Variants in CADPS2 observed in about 807,000 individuals in gnomAD.
CADPS2 encodes calcium dependent secretion activator 2.
A neutral mutation model predicts 172.5 loss-of-function variants in CADPS2; 93 were observed. The observed-to-expected ratio is 0.54, with a 90% CI of 0.46 to 0.64. CADPS2 has a LOEUF of 0.64. Among genes scored for constraint, CADPS2 ranks in the 30% least tolerant of loss-of-function variants. The probability of loss-of-function intolerance (pLI) is 0.00; values close to 1 mark genes in which losing one functional copy is unlikely to be tolerated. For missense variants in CADPS2, 1,420 were observed against 1,565.9 expected (o/e 0.91, Z 1.57); for synonymous variants, 546 against 555.2 (o/e 0.98, Z 0.23).
chr7:122,676,782 A>C (rs1018708445), intron 2 of CADPS2: 11 of 979,960 alleles, frequency 1.1e-5, no homozygotes, highest in Non-Finnish European at 1.7e-5. Context: ...CTGTGAACCA[A>C]ACCATCATTT....
chr7:122,327,426 G>T (rs1443865924), intron 28 of CADPS2, among the ~76,000 whole-genome samples: 1 of 151,962 alleles, frequency 6.6e-6, no homozygotes, highest in East Asian at 1.9e-4. Flanking sequence ...ATTTTGCAAG[G>T]GATAGTAAAT....
intron 2 of CADPS2, among the ~76,000 whole-genome samples, chr7:122,733,135 A>G (rs2091845100): frequency 6.6e-6 from 1 of 151,746 alleles, no homozygotes; most frequent in African/African-American, 2.4e-5. Context: ...GTTAGAAAGA[A>G]CATGAAAGGC....
chr7:122,720,622 A>G (rs1277028694), intron 2 of CADPS2, among the ~76,000 whole-genome samples: 1 of 151,654 alleles, frequency 6.6e-6, no homozygotes, highest in Non-Finnish European at 1.5e-5. Context: ...ACATACATAT[A>G]TGTACGTATG....
At chr7:122,530,825 C>T (rs2061691603) in intron 8 of CADPS2, among the ~76,000 whole-genome samples, 1 of 152,004 alleles carries the variant, frequency 6.6e-6, no homozygotes, top group Non-Finnish European at 1.5e-5. Context: ...AGCTTTTTAC[C>T]TCTTTTATAC....
At chr7:122,854,017 G>A (rs972204390) in intron 1 of CADPS2, among the ~76,000 whole-genome samples, 2 of 152,148 alleles carry the variant, frequency 1.3e-5, no homozygotes, top group Admixed American at 1.3e-4. Flanking sequence ...AACACCAACA[G>A]ACTCCAGGCC....
intron 1 of CADPS2, among the ~76,000 whole-genome samples, chr7:122,864,411 T>C (rs1817762564): frequency 6.6e-6 from 1 of 151,168 alleles, no homozygotes. Flanking sequence ...GCCCAGGAGG[T>C]CAAGGCTTCA....
chr7:122,850,787 T>C (rs1370112177), intron 1 of CADPS2, among the ~76,000 whole-genome samples: 3 of 152,190 alleles, frequency 2.0e-5, no homozygotes, highest in African/African-American at 7.2e-5. Context: ...TCATTACACC[T>C]TGATCAAAAT....
chr7:122,528,991 A>C (rs1476045510), intron 8 of CADPS2, among the ~76,000 whole-genome samples: 1 of 152,042 alleles, frequency 6.6e-6, no homozygotes, highest in Non-Finnish European at 1.5e-5. Flanking sequence ...AATAAGTGCC[A>C]CTTTTATTAT....
chr7:122,381,055 C>T (rs536513528), intron 24 of CADPS2, among the ~76,000 whole-genome samples: 4 of 152,216 alleles, frequency 2.6e-5, no homozygotes, highest in East Asian at 1.9e-4. Flanking sequence ...CAGGTCCACA[C>T]ATGAACATAT....
chr7:122,584,541 C>T (rs2069353161), intron 6 of CADPS2, among the ~76,000 whole-genome samples: 1 of 151,854 alleles, frequency 6.6e-6, no homozygotes, highest in Non-Finnish European at 1.5e-5. Flanking sequence ...TGACAATCCT[C>T]TCTACTTCAT....
In CADPS2 at chr7:122,461,664, G is replaced by A. The variant is rs191381745; in HGVS notation, c.2186+9711C>T. ...GGCTGGAGTGTAGTGGCGCCATCTC[G>A]GCTCACTGCAACCTCTGCCTCTCAG... On this transcript the variant is annotated intron_variant, in intron 14 of 29. Coordinates refer to ENST00000449022, the MANE Select transcript of CADPS2 (RefSeq NM_017954.11). 5.9e-5 allele frequency among the ~76,000 whole-genome samples: 9 copies of A among 151,936 alleles called. 1 individual carries two copies. Among genetic ancestry groups the A allele is most frequent in the Admixed American group, 2.0e-4 (3 of 15,250 alleles).
intron 28 of CADPS2, among the ~76,000 whole-genome samples, chr7:122,337,475 C>T (rs953526929): frequency 6.6e-6 from 1 of 152,162 alleles, no homozygotes; most frequent in African/African-American, 2.4e-5. Flanking sequence ...TATTAATACA[C>T]TTTCTGGTTG....
At chr7:122,737,795 T>C (rs1274501873) in intron 1 of CADPS2, among the ~76,000 whole-genome samples, 4 of 152,004 alleles carry the variant, frequency 2.6e-5, no homozygotes, top group Non-Finnish European at 5.9e-5. Flanking sequence ...ACAGAGAAAG[T>C]AGAGAGGAGC....
At chr7:122,425,108 T>C (rs2048988344) in intron 17 of CADPS2, among the ~76,000 whole-genome samples, 1 of 151,982 alleles carries the variant, frequency 6.6e-6, no homozygotes, top group Non-Finnish European at 1.5e-5. Context: ...CACCTCAGCC[T>C]CCTAAGTAGC....
chr7:122,474,436 C>G lies in CADPS2; in HGVS notation c.1943G>C (p.Arg648Thr). 1 of 1,613,302 alleles carries G rather than the reference C, an allele frequency of 6.2e-7. No homozygotes were observed. Among genetic ancestry groups the G allele is most frequent in the Non-Finnish European group, 8.5e-7 (1 of 1,179,638 alleles). ...PCKLDHAFLF[R>T]ILQRQTLDHR... The stretch of plus-strand genomic sequence containing the variant: ...ATCCAAAGTCTGCCTCTGGAGTATT[C>G]TAAAAAGGAAGGCATGATCAAGCTT... The change falls in exon 13 of 30, where the codon AGA becomes ACA. Residue 648 changes from arginine (R) to threonine (T), a missense_variant. Transcript: ENST00000449022.
At chr7:122,403,864 TTCTCCAACA>T (rs1331461353) in intron 20 of CADPS2, among the ~76,000 whole-genome samples, 3 of 152,286 alleles carry the variant, frequency 2.0e-5, no homozygotes, top group African/African-American at 7.2e-5. Flanking sequence ...GTAGTAGAAG[TTCTCCAACA>T]AAACTTCCAA....
intron 20 of CADPS2, 139 bp downstream of exon 20, chr7:122,407,401 C>G (rs1340470640): frequency 1.1e-6 from 1 of 874,510 alleles, no homozygotes; most frequent in African/African-American, 1.7e-5. Context: ...CTGACATAAT[C>G]GGGCAGGCTG....
chr7:122,819,092 G>A (rs369676271), intron 1 of CADPS2, among the ~76,000 whole-genome samples: 10 of 152,258 alleles, frequency 6.6e-5, no homozygotes, highest in African/African-American at 2.2e-4. Flanking sequence ...TCCACTGTGA[G>A]ACAAACCCCA....
chr7:122,409,416 A>T (rs2047038795), intron 19 of CADPS2, among the ~76,000 whole-genome samples: 1 of 152,190 alleles, frequency 6.6e-6, no homozygotes, highest in Admixed American at 6.5e-5. Context: ...GTCTTCTTAA[A>T]GTTAACTTGG....
Sources: gnomAD v4.1 joint callset for allele counts (sites outside exome capture counted in the v4.1 genomes callset) on GRCh38, gnomAD v4.1.1 for gene constraint, MANE v1.5 for transcripts, NCBI Gene and HGNC (gene_info 2026-07-23, HGNC 2026-07-21) for gene names.